The following TMEM185B variants were observed in gnomAD, a reference collection of about 807,000 sequenced individuals.
TMEM185B encodes the protein transmembrane protein 185B.
A neutral mutation model predicts 26.2 loss-of-function variants in TMEM185B; 9 were observed. That is an observed-to-expected ratio of 0.34 (90% confidence interval 0.21 to 0.60). The LOEUF (loss-of-function observed/expected upper bound fraction) is 0.60, where lower values mean the gene tolerates loss of function less well. Ranked by LOEUF, TMEM185B falls within the 20% of genes least tolerant of loss-of-function variation. The pLI is 0.80. For synonymous variants in TMEM185B, 204 were observed against 191.8 expected, an observed-to-expected ratio of 1.06 and a Z score of -0.52; for missense variants, 392 against 447.9, an observed-to-expected ratio of 0.88 and a Z score of 1.13.
At position 120,222,127 on chromosome 2, in the gene TMEM185B, C is replaced by T. The variant is rs1378782716; in HGVS notation, c.850G>A (p.Glu284Lys). ...TATTCTCTTAAAAATGGGAAAATTT[C>T]AAGCAGAAACTGACAGAAGTCTCTG... Reference protein sequence around the residue: ...IRRDFCQFLLEIFPFLREYGN... With the variant: ...IRRDFCQFLLKIFPFLREYGN... Residue 284 changes from glutamate to lysine, a missense_variant, in exon 1 of 1, where the codon GAA becomes AAA. This residue lies in a region of TMEM185B where 176 missense variants were observed against 201.6 expected (regional missense o/e 0.87). Transcript: ENST00000426077. 8 of 1,563,690 alleles carry T rather than the reference C, an allele frequency of 5.1e-6. No homozygotes were observed. The highest frequency in any genetic ancestry group is 6.9e-6 in the Non-Finnish European group (8 of 1,155,078).
chr2:120,219,631 C>T lies in TMEM185B; in HGVS notation c.*2293G>A, dbSNP rs1462909001. Among the ~76,000 whole-genome samples, 1 of 152,190 alleles carries T rather than the reference C, an allele frequency of 6.6e-6. No homozygotes were observed. The highest frequency in any genetic ancestry group is 1.5e-5 in the Non-Finnish European group (1 of 68,030). ...CTCCAGCACTGCCTGCCCATGCACC[C>T]CTAAATCTTACTGAAATGAAAATCC... is the stretch of plus-strand genomic sequence containing the variant. On this transcript the variant is annotated 3_prime_UTR_variant, in exon 1 of 1. Transcript: ENST00000426077.
In TMEM185B at chr2:120,221,784, A is replaced by C. The variant is rs917578856; in HGVS notation, c.*140T>G. 5.9e-5 allele frequency: 41 copies of C among 695,292 alleles called. No homozygotes were observed. Among genetic ancestry groups the C allele is most frequent in the Non-Finnish European group, 8.7e-5 (37 of 426,050 alleles). 43.1% of individuals were successfully genotyped at this position (695,292 alleles called of 1,614,324 possible). ...CATACTGAAACCACCTCCATCTATGATGCATACTGATGAGGCGGTGATCTC... is the reference window on the plus strand; with the variant it reads ...CATACTGAAACCACCTCCATCTATGCTGCATACTGATGAGGCGGTGATCTC... On this transcript the variant is annotated 3_prime_UTR_variant, in exon 1 of 1. Coordinates refer to ENST00000426077, the MANE Select transcript of TMEM185B (RefSeq NM_024121.3).
At position 120,222,352 on chromosome 2, in the gene TMEM185B, T is replaced by C. The variant is rs934838842; in HGVS notation, c.625A>G (p.Thr209Ala). Residue 209 changes from threonine (T) to alanine (A), a missense_variant, in exon 1 of 1, where the codon ACA (threonine) becomes GCA (alanine). Thr to Ala is a moderately conservative substitution (Grantham distance 58). Coordinates refer to ENST00000426077, the MANE Select transcript of TMEM185B (RefSeq NM_024121.3). ...SLDVVAEQRR[T>A]HVTMAISWIT... ...CAACTGATAGCCATGGTCACGTGTG[T>C]TCTCCGCTGCTCGGCAACCACATCC... is the stretch of plus-strand genomic sequence containing the variant. 3 of 1,535,984 alleles carry C rather than the reference T, an allele frequency of 2.0e-6. No homozygotes were observed. The African/African-American group carries it at 4.1e-5, about 21-fold the overall frequency.
chr2:120,219,527 C>T lies in TMEM185B; in HGVS notation c.*2397G>A, dbSNP rs1688553043. On this transcript the variant is annotated 3_prime_UTR_variant, in exon 1 of 1. Transcript: ENST00000426077. ...CAGGTTTGGGAGTTTGCACCAGGTGCCAACAAGCTCCTGGCCTGAAACTGT... is the reference window on the plus strand; with the variant it reads ...CAGGTTTGGGAGTTTGCACCAGGTGTCAACAAGCTCCTGGCCTGAAACTGT... Among the ~76,000 whole-genome samples, 1 of 152,116 alleles carries T rather than the reference C, an allele frequency of 6.6e-6. No individual in the cohort carries two copies. The highest frequency in any genetic ancestry group is 2.1e-4 in the South Asian group (1 of 4,834).
chr2:120,222,085 C>T lies in TMEM185B; in HGVS notation c.892G>A (p.Asp298Asn), dbSNP rs1028302451. Residue 298 changes from aspartate to asparagine, a missense_variant, in exon 1 of 1, where the codon GAT becomes AAT. Physicochemically the swap from Asp to Asn is conservative, Grantham distance 23 (BLOSUM62 1). Transcript: ENST00000426077. Reference protein sequence around the residue: ...FLREYGNISYDLHHEDSEDAE... With the variant: ...FLREYGNISYNLHHEDSEDAE... ...TCTTCACTATCTTCGTGATGGAGAT[C>T]ATATGAAATGTTCCCATATTCTCTT... 2.6e-6 allele frequency: 4 copies of T among 1,550,420 alleles called. No individual in the cohort carries two copies.
At position 120,222,885 on chromosome 2, in the gene TMEM185B, C is replaced by G. The variant is rs1422511361; in HGVS notation, c.92G>C (p.Arg31Pro). Residue 31 changes from arginine (R) to proline (P), a missense_variant, in exon 1 of 1, where the codon CGC (arginine) becomes CCC (proline). This residue lies in a region of TMEM185B where 175 missense variants were observed against 169.1 expected (regional missense o/e 1.03). Coordinates refer to ENST00000426077, the MANE Select transcript of TMEM185B (RefSeq NM_024121.3). The part of the protein sequence containing the change: ...LLLFSVLLPL[R>P]LDGIIQWSYW... The stretch of plus-strand genomic sequence containing the variant: ...GCTCCATTGGATGATGCCGTCCAGG[C>G]GGAGGGGCAGCAGCACCGAGAAGAG... 1 of 1,461,948 alleles carries G rather than the reference C, an allele frequency of 6.8e-7. No homozygotes were observed. Among genetic ancestry groups the G allele is most frequent in the Non-Finnish European group, 9.0e-7 (1 of 1,114,702 alleles). 90.6% of individuals were successfully genotyped at this position (1,461,948 alleles called of 1,614,324 possible). A position where few individuals can be genotyped will look rare whatever the true frequency, so the allele number is the denominator to read the frequency against.
At position 120,220,477 on chromosome 2, in the gene TMEM185B, T is replaced by A. The variant is rs1688568653; in HGVS notation, c.*1447A>T. 6.6e-6 allele frequency among the ~76,000 whole-genome samples: 1 copy of A among 152,226 alleles called. No homozygotes were observed. Among genetic ancestry groups the A allele is most frequent in the Non-Finnish European group, 1.5e-5 (1 of 68,042 alleles). ...CGGGTGCAGTGGTTCCCGCCTGTAA[T>A]CCCAGCACTTTGGGAGGCCAAGGCG... On this transcript the variant is annotated 3_prime_UTR_variant, in exon 1 of 1. Transcript: ENST00000426077.
In TMEM185B at chr2:120,222,759, G is replaced by GT; in HGVS notation, c.217dup (p.Thr73AsnfsTer66). ...GAACTCCACACAGGCCTCTCCCTCGGTGCGGTAGCGAGGGTTGCGGGCCCA... is the reference window on the plus strand; with the variant it reads ...GAACTCCACACAGGCCTCTCCCTCGGTTGCGGTAGCGAGGGTTGCGGGCCCA... On this transcript the variant is annotated frameshift_variant, in exon 1 of 1. Transcript: ENST00000426077. LOFTEE classifies it high-confidence loss of function. The GT allele has an allele frequency of 1.3e-6, 2 of 1,536,338 alleles. No homozygotes were observed. The highest frequency in any genetic ancestry group is 1.7e-6 in the Non-Finnish European group (2 of 1,146,896).
At position 120,223,205 on chromosome 2, in the gene TMEM185B, CG is replaced by C. The variant is rs1223411200; in HGVS notation, c.-230del. On this transcript the variant is annotated 5_prime_UTR_variant, in exon 1 of 1. Coordinates refer to ENST00000426077, the MANE Select transcript of TMEM185B (RefSeq NM_024121.3). ...GAAGCGCGCTGGGGTGTGGCGCGCGCGGGCACGGGCGGCGCGGCGGTTACAA... is the reference window on the plus strand; with the variant it reads ...GAAGCGCGCTGGGGTGTGGCGCGCGCGGCACGGGCGGCGCGGCGGTTACAA... 1.8e-5 allele frequency: 6 copies of C among 329,214 alleles called. No homozygotes were observed. The highest frequency in any genetic ancestry group is 2.2e-5 in the Non-Finnish European group (4 of 182,094). 20.4% of individuals were successfully genotyped at this position (329,214 alleles called of 1,614,324 possible). A position where few individuals can be genotyped will look rare whatever the true frequency, so the allele number is the denominator to read the frequency against.
Position 120,223,010 on chromosome 2 carries a change from TCCCTCGCGACGCTCGG to T in TMEM185B, c.-50_-35del. On this transcript the variant is annotated 5_prime_UTR_variant, in exon 1 of 1. Transcript: ENST00000426077. The stretch of plus-strand genomic sequence containing the variant: ...CCGCCGCTTGCCTGCCCGGGCCTGC[TCCCTCGCGACGCTCGG>T]CGCTCGCGTCTCCGCGGCTTCTCCG... The T allele has an allele frequency of 4.4e-6, 6 of 1,348,936 alleles. No individual in the cohort carries two copies. Among genetic ancestry groups the T allele is most frequent in the Non-Finnish European group, 4.8e-6 (5 of 1,051,118 alleles). 83.6% of individuals were successfully genotyped at this position (1,348,936 alleles called of 1,614,324 possible). A position where few individuals can be genotyped will look rare whatever the true frequency, so the allele number is the denominator to read the frequency against.
rs189330232 is a variant in TMEM185B at position 120,217,599 on chromosome 2, G to A, written c.*4325C>T. ...ATATTTCATCAGTAGGAGTGGCATCGTTTTACATTTTTGCAGATCCTTAAA... is the reference window on the plus strand; with the variant it reads ...ATATTTCATCAGTAGGAGTGGCATCATTTTACATTTTTGCAGATCCTTAAA... On this transcript the variant is annotated 3_prime_UTR_variant, in exon 1 of 1. Transcript: ENST00000426077. Among the ~76,000 whole-genome samples the A allele has an allele frequency of 1.9e-3, 290 of 152,278 alleles. 1 individual carries two copies. Among genetic ancestry groups the A allele is most frequent in the Middle Eastern group, 6.8e-3 (2 of 294 alleles).
rs1429655439 is a variant in TMEM185B, at chr2:120,220,590, C to T, written c.*1334G>A. 2.0e-5 allele frequency among the ~76,000 whole-genome samples: 3 copies of T among 152,096 alleles called. No homozygotes were observed. Among genetic ancestry groups the T allele is most frequent in the African/African-American group, 4.8e-5 (2 of 41,404 alleles). Reference sequence around the variant, plus strand: ...TATTAAAAATACGAAATTAGCCAGGCGTGGTGGTGCATGCCTGTAATCCCA... The same window carrying T: ...TATTAAAAATACGAAATTAGCCAGGTGTGGTGGTGCATGCCTGTAATCCCA... On this transcript the variant is annotated 3_prime_UTR_variant, in exon 1 of 1. Transcript: ENST00000426077.
rs1324176768 is a variant in TMEM185B, at chr2:120,220,016, G to A, written c.*1908C>T. On this transcript the variant is annotated 3_prime_UTR_variant, in exon 1 of 1. Transcript: ENST00000426077. ...TGGTGTAAACTGCCAGTGTGAGAGA[G>A]ACAGAGCGAGCTCCCTCAGACAGCG... 6.6e-6 allele frequency among the ~76,000 whole-genome samples: 1 copy of A among 152,220 alleles called. No homozygotes were observed.
In TMEM185B at chr2:120,223,144, C is replaced by T. The variant is rs1396381385; in HGVS notation, c.-168G>A. 4 of 461,460 alleles carry T rather than the reference C, an allele frequency of 8.7e-6. No individual in the cohort carries two copies. The highest frequency in any genetic ancestry group is 1.4e-5 in the Non-Finnish European group (4 of 286,304). The allele number at this position is 461,460 out of a possible 1,614,324, so 28.6% of individuals were successfully genotyped here. A position where few individuals can be genotyped will look rare whatever the true frequency, so the allele number is the denominator to read the frequency against. The stretch of plus-strand genomic sequence containing the variant: ...GTTCGGAGCGGCGAAGCGGAGAGGC[C>T]GGAACACGTGCACGCGCGGTCACGT... On this transcript the variant is annotated 5_prime_UTR_variant, in exon 1 of 1. Coordinates refer to ENST00000426077, the MANE Select transcript of TMEM185B (RefSeq NM_024121.3).
chr2:120,221,962 G>A lies in TMEM185B; in HGVS notation c.1015C>T (p.Pro339Ser), dbSNP rs1300603287. ...VITQSPGKYV[P>S]PPPKLNIDMP... ...TCAATATTTAACTTGGGAGGGGGGG[G>A]AACGTATTTCCCAGGGCTCTGGGTT... Residue 339 changes from proline to serine, a missense_variant, in exon 1 of 1, where the codon CCC (proline) becomes TCC (serine). Coordinates refer to ENST00000426077, the MANE Select transcript of TMEM185B (RefSeq NM_024121.3). The A allele has an allele frequency of 1.3e-6, 2 of 1,534,784 alleles. No individual in the cohort carries two copies. Among genetic ancestry groups the A allele is most frequent in the Non-Finnish European group, 1.7e-6 (2 of 1,146,388 alleles).
rs62166946 is a variant in TMEM185B, at chr2:120,223,118, G to A, written c.-142C>T. 30,731 of 565,664 alleles carry A rather than the reference G, an allele frequency of 0.054. 1,080 individuals carry two copies. The highest frequency in any genetic ancestry group is 0.066 in the Non-Finnish European group (25,057 of 377,276). 35.0% of individuals were successfully genotyped at this position (565,664 alleles called of 1,614,324 possible). A position where few individuals can be genotyped will look rare whatever the true frequency, so the allele number is the denominator to read the frequency against. On this transcript the variant is annotated 5_prime_UTR_variant, in exon 1 of 1. Coordinates refer to ENST00000426077, the MANE Select transcript of TMEM185B (RefSeq NM_024121.3). The stretch of plus-strand genomic sequence containing the variant: ...ACGAATGCCGGGACGACCAGGAGGA[G>A]GTTCGGAGCGGCGAAGCGGAGAGGC...
In TMEM185B at chr2:120,218,477, C is replaced by A. The variant is rs778167474; in HGVS notation, c.*3447G>T. On this transcript the variant is annotated 3_prime_UTR_variant, in exon 1 of 1. Coordinates refer to ENST00000426077, the MANE Select transcript of TMEM185B (RefSeq NM_024121.3). ...TCCTGCCCGGCTGAATGACCTGTAT[C>A]CCAACAGCTTCCTTCACTGAGTCAG... is the stretch of plus-strand genomic sequence containing the variant. Among the ~76,000 whole-genome samples, 21 of 152,258 alleles carry A rather than the reference C, an allele frequency of 1.4e-4. No individual in the cohort carries two copies. The highest frequency in any genetic ancestry group is 2.9e-4 in the Non-Finnish European group (20 of 68,040).
Position 120,219,847 on chromosome 2 carries a change from G to C in TMEM185B, c.*2077C>G, listed in dbSNP as rs1444434859. 6.6e-6 allele frequency among the ~76,000 whole-genome samples: 1 copy of C among 152,234 alleles called. No homozygotes were observed. Among genetic ancestry groups the C allele is most frequent in the Non-Finnish European group, 1.5e-5 (1 of 68,044 alleles). On this transcript the variant is annotated 3_prime_UTR_variant, in exon 1 of 1. Coordinates refer to ENST00000426077, the MANE Select transcript of TMEM185B (RefSeq NM_024121.3). ...CCGTACAGGACACTTTGCATGGGCA[G>C]GGCTGTTTGCTCTCCACTGCATCCC...
chr2:120,217,632 T>G lies in TMEM185B; in HGVS notation c.*4292A>C, dbSNP rs1281149528. Among the ~76,000 whole-genome samples the G allele has an allele frequency of 2.6e-5, 4 of 152,266 alleles. No homozygotes were observed. The highest frequency in any genetic ancestry group is 1.5e-5 in the Non-Finnish European group (1 of 68,032). On this transcript the variant is annotated 3_prime_UTR_variant, in exon 1 of 1. Coordinates refer to ENST00000426077, the MANE Select transcript of TMEM185B (RefSeq NM_024121.3). ...TTTTTGCAGATCCTTAAAGCCTGGC[T>G]TAACAGAAGGCTGCTGCATCCTCAT...
Sources: gnomAD v4.1 joint callset for allele counts (sites outside exome capture counted in the v4.1 genomes callset) on GRCh38, gnomAD v4.1.1 for gene constraint, gnomAD v4.1.1 regional missense constraint, MANE v1.5 for transcripts, NCBI Gene and HGNC (gene_info 2026-07-23, HGNC 2026-07-21) for gene names.